Variants in PEX14 observed in about 807,000 individuals in gnomAD.
The protein encoded by PEX14 is peroxisomal membrane protein PEX14.
Under a neutral mutation model 49.5 loss-of-function variants are expected in PEX14, and 15 were observed. The ratio of observed to expected loss-of-function variants is 0.30; its 90% confidence interval spans 0.20 to 0.47. The LOEUF (loss-of-function observed/expected upper bound fraction) is 0.47, where lower values mean the gene tolerates loss of function less well. Among genes scored for constraint, PEX14 ranks in the 20% least tolerant of loss-of-function variants. The probability of loss-of-function intolerance (pLI) is 1.00; values close to 1 mark genes in which losing one functional copy is unlikely to be tolerated. For synonymous variants in PEX14, 210 were observed against 212.7 expected (o/e 0.99, Z 0.11); for missense variants, 398 against 494.8 (o/e 0.80, Z 1.86).
intron 1 of PEX14, among the ~76,000 whole-genome samples, chr1:10,479,681 T>C (rs1180812241): frequency 6.6e-6 from 1 of 152,202 alleles, no homozygotes; most frequent in African/African-American, 2.4e-5. Flanking sequence ...ATTGAGAGGC[T>C]ACAGAAGCAG....
At chr1:10,617,431 C>G (rs1641457807) in intron 4 of PEX14, among the ~76,000 whole-genome samples, 1 of 152,172 alleles carries the variant, frequency 6.6e-6, no homozygotes, top group Non-Finnish European at 1.5e-5. Flanking sequence ...ATTCGGCTTC[C>G]TTGACCACAC....
intron 1 of PEX14, among the ~76,000 whole-genome samples, chr1:10,489,881 G>A (rs1228796364): frequency 2.6e-5 from 4 of 152,220 alleles, no homozygotes; most frequent in Non-Finnish European, 5.9e-5. Context: ...TTCAGGGATC[G>A]TAGTCCTGCA....
intron 2 of PEX14, among the ~76,000 whole-genome samples, chr1:10,509,632 G>A (rs1557818414): frequency 1.3e-5 from 2 of 152,128 alleles, no homozygotes; most frequent in Admixed American, 1.3e-4. Context: ...TGACCAGACT[G>A]GCAGAGCTAA....
intron 1 of PEX14, among the ~76,000 whole-genome samples, chr1:10,487,795 T>G (rs1641397990): frequency 6.6e-6 from 1 of 151,964 alleles, no homozygotes; most frequent in Non-Finnish European, 1.5e-5. Context: ...CTTTTTTTGT[T>G]TTTGAGGTTG....
chr1:10,546,496 AGAGGTTGCAGTGAGCT>A (rs1368003329), intron 3 of PEX14, among the ~76,000 whole-genome samples: 2 of 145,022 alleles, frequency 1.4e-5, no homozygotes, highest in African/African-American at 2.6e-5. Flanking sequence ...ACCTGGAGGC[AGAGGTTGCAGTGAGCT>A]GAGATTGCGC....
At chr1:10,506,812 G>A (rs149654445) in intron 2 of PEX14, among the ~76,000 whole-genome samples, 7 of 152,318 alleles carry the variant, frequency 4.6e-5, no homozygotes, top group South Asian at 2.1e-4. Context: ...GTTATGGGTA[G>A]GGTTTATGCA....
intron 2 of PEX14, among the ~76,000 whole-genome samples, chr1:10,509,270 C>G (rs1039479025): frequency 1.3e-5 from 2 of 152,180 alleles, no homozygotes; most frequent in Non-Finnish European, 2.9e-5. Context: ...TTAACCTCAC[C>G]TCTCCAGCTC....
At chr1:10,615,055 C>G (rs939353851) in intron 4 of PEX14, among the ~76,000 whole-genome samples, 1 of 152,160 alleles carries the variant, frequency 6.6e-6, no homozygotes, top group Non-Finnish European at 1.5e-5. Context: ...GGGGTGTCCA[C>G]CATCAGTGAA....
intron 4 of PEX14, among the ~76,000 whole-genome samples, chr1:10,615,504 G>A (rs536180479): frequency 5.9e-5 from 9 of 152,356 alleles, no homozygotes; most frequent in African/African-American, 1.7e-4. Context: ...CGTTTGAATC[G>A]TGCATTGTGT....
At chr1:10,580,288 C>T (rs1640275777) in intron 3 of PEX14, among the ~76,000 whole-genome samples, 1 of 151,952 alleles carries the variant, frequency 6.6e-6, no homozygotes, top group African/African-American at 2.4e-5. Flanking sequence ...GCAGTGGCAC[C>T]ATCTCAACTC....
At chr1:10,619,283 G>A (rs1001412098) in intron 5 of PEX14, among the ~76,000 whole-genome samples, 2 of 151,654 alleles carry the variant, frequency 1.3e-5, no homozygotes, top group South Asian at 2.1e-4. Flanking sequence ...CTTTTCTTTC[G>A]AGGCTGCCAG....
intron 3 of PEX14, among the ~76,000 whole-genome samples, chr1:10,580,896 A>G (rs1557856824): frequency 1.3e-5 from 2 of 152,118 alleles, no homozygotes; most frequent in Admixed American, 6.5e-5. Context: ...TCTTTATAAC[A>G]ACTTTATTCC....
intron 3 of PEX14, among the ~76,000 whole-genome samples, chr1:10,564,137 C>G (rs1383610126): frequency 1.3e-5 from 2 of 151,578 alleles, no homozygotes; most frequent in African/African-American, 2.4e-5. Flanking sequence ...TTTGAATATT[C>G]GGCCTGATTG....
At chr1:10,551,564 C>A (rs1175184500) in intron 3 of PEX14, among the ~76,000 whole-genome samples, 1 of 152,168 alleles carries the variant, frequency 6.6e-6, no homozygotes, top group Non-Finnish European at 1.5e-5. Context: ...TGAACACTAA[C>A]AAGGCCTTAC....
intron 2 of PEX14, among the ~76,000 whole-genome samples, chr1:10,498,862 A>G (rs938299681): frequency 6.6e-6 from 1 of 152,198 alleles, no homozygotes; most frequent in African/African-American, 2.4e-5. Flanking sequence ...AGGAGTTCGG[A>G]CAGGCCTCCA....
At chr1:10,507,981 T>C (rs1243683331) in intron 2 of PEX14, among the ~76,000 whole-genome samples, 7 of 152,220 alleles carry the variant, frequency 4.6e-5, no homozygotes, top group African/African-American at 9.6e-5. Flanking sequence ...ACTCAAATAA[T>C]GTTTAGAGGT....
At position 10,630,278 on chromosome 1, in the gene PEX14, C is replaced by G; in HGVS notation, c.*291C>G. The G allele has an allele frequency of 1.8e-6, 1 of 542,260 alleles. No individual in the cohort carries two copies. The highest frequency in any genetic ancestry group is 3.0e-5 in the East Asian group (1 of 32,788). The allele number at this position is 542,260 out of a possible 1,614,324, so 33.6% of individuals were successfully genotyped here. ...CAGCGAAGCCTCGGGGCCCAAGCCC[C>G]TCCCCAGCCCCCTCTCCCGGACAGA... is the stretch of plus-strand genomic sequence containing the variant. On this transcript the variant is annotated 3_prime_UTR_variant, in exon 9 of 9. Transcript: ENST00000356607. This position sits in a 1 kb window ranked among gnomAD's most constrained non-coding sequence, Gnocchi z 4.1.
At chr1:10,614,067 C>T (rs1320792894) in intron 4 of PEX14, among the ~76,000 whole-genome samples, 1 of 152,154 alleles carries the variant, frequency 6.6e-6, no homozygotes, top group African/African-American at 2.4e-5. Flanking sequence ...AAAAATAGGC[C>T]CCAGGGTGGG....
chr1:10,486,209 A>C (rs1292191092), intron 1 of PEX14, among the ~76,000 whole-genome samples: 1 of 152,190 alleles, frequency 6.6e-6, no homozygotes, highest in Non-Finnish European at 1.5e-5. Context: ...TGCAATGTTA[A>C]AAGTAACAGT....
Sources: gnomAD v4.1 joint callset for allele counts (sites outside exome capture counted in the v4.1 genomes callset) on GRCh38, gnomAD v4.1.1 for gene constraint, Gnocchi (gnomAD v3.1) non-coding constraint, MANE v1.5 for transcripts, NCBI Gene and HGNC (gene_info 2026-07-23, HGNC 2026-07-21) for gene names.